Variants in MTMR1 observed in about 807,000 individuals in gnomAD.
The protein encoded by MTMR1 is myotubularin related protein 1.
Under a neutral mutation model 51.6 loss-of-function variants are expected in MTMR1, and 17 were observed. That is an observed-to-expected ratio of 0.33 (90% CI 0.23 to 0.49). The LOEUF is 0.49. MTMR1 is among the 20% of genes least tolerant of loss of function. The probability of loss-of-function intolerance (pLI) is 0.99; values close to 1 mark genes in which losing one functional copy is unlikely to be tolerated. For missense variants in MTMR1, 386 were observed against 526.9 expected, an observed-to-expected ratio of 0.73 and a Z score of 2.62; for synonymous variants, 201 against 205.6, an observed-to-expected ratio of 0.98 and a Z score of 0.19.
intron 6 of MTMR1, among the ~76,000 whole-genome samples, chrX:150,729,785 G>A (rs900673295): frequency 1.1e-4 from 12 of 111,579 alleles, no homozygotes; most frequent in Non-Finnish European, 9.4e-5. Context: ...TTGGAAGGCC[G>A]AGGCAGTTGG....
intron 10 of MTMR1, among the ~76,000 whole-genome samples, chrX:150,733,699 A>G (rs782186000): frequency 6.9e-4 from 77 of 111,111 alleles, no homozygotes; most frequent in Non-Finnish European, 9.4e-4. Context: ...CTTCTGTAAA[A>G]CAGGAGATAA....
intron 2 of MTMR1, 112 bp downstream of exon 2, chrX:150,699,412 C>A: frequency 2.3e-6 from 1 of 443,138 alleles, no homozygotes; most frequent in Non-Finnish European, 3.7e-6. Flanking sequence ...GCCATTTGCT[C>A]GAGAATAAGG....
intron 1 of MTMR1, among the ~76,000 whole-genome samples, chrX:150,698,880 AAAG>A (rs1337803153): frequency 3.0e-4 from 33 of 111,600 alleles, no homozygotes; most frequent in African/African-American, 1.0e-3. Flanking sequence ...ACAAAAAAAA[AAAG>A]AAGTATTTCT....
chrX:150,700,970 G>A (rs1385404660), intron 2 of MTMR1, among the ~76,000 whole-genome samples: 2 of 112,281 alleles, frequency 1.8e-5, no homozygotes, highest in African/African-American at 3.2e-5. Flanking sequence ...TTGTGTAGCT[G>A]AATTAGCTCA....
At chrX:150,722,651 G>A (rs1278552436) in intron 4 of MTMR1, among the ~76,000 whole-genome samples, 1 of 110,588 alleles carries the variant, frequency 9.0e-6, no homozygotes, top group South Asian at 3.8e-4. Flanking sequence ...CATATAGTTG[G>A]TTCTTTCTTT....
upstream of MTMR1, chrX:150,692,968 T>G (rs2040531701): frequency 1.9e-5 from 2 of 104,183 alleles, no homozygotes; most frequent in Non-Finnish European, 4.0e-5. Context: ...AAGAATGGGG[T>G]GGGGAGGAAT....
rs1015968440 is a variant in MTMR1 at position 150,718,088 on chromosome X, A to G, written c.277-537A>G. Among the ~76,000 whole-genome samples the G allele has an allele frequency of 2.7e-5, 3 of 112,401 alleles. No individual in the cohort carries two copies. In the Admixed American group the frequency reaches 2.8e-4, roughly 10 times the overall value. On this transcript the variant is annotated intron_variant, in intron 3 of 15. Coordinates refer to ENST00000445323, the MANE Select transcript of MTMR1 (RefSeq NM_001306144.3). Reference sequence around the variant, plus strand: ...CACACACAGACACACACACACACACATAGCTGGGCTGCAGTAGCAAAGCCT... The same window carrying G: ...CACACACAGACACACACACACACACGTAGCTGGGCTGCAGTAGCAAAGCCT...
intron 3 of MTMR1, chrX:150,712,863 C>A: frequency 1.5e-6 from 1 of 681,958 alleles, no homozygotes; most frequent in East Asian, 1.2e-4. Context: ...CAAAATCAAT[C>A]CCAGTTACTA....
intron 2 of MTMR1, among the ~76,000 whole-genome samples, chrX:150,711,989 A>T (rs2041330563): frequency 9.1e-6 from 1 of 110,300 alleles, no homozygotes; most frequent in South Asian, 3.9e-4. Flanking sequence ...GGGAAAATGC[A>T]TTCAGTATTC....
chrX:150,759,480 C>G (rs781809609), intron 15 of MTMR1, among the ~76,000 whole-genome samples: 9 of 99,975 alleles, frequency 9.0e-5, no homozygotes, highest in Non-Finnish European at 2.0e-4. Flanking sequence ...TTTGGCTAAA[C>G]AGAGCCTCTC....
At chrX:150,756,930 T>G (rs113907820) in intron 15 of MTMR1, among the ~76,000 whole-genome samples, 1,867 of 112,362 alleles carry the variant, frequency 0.017, 49 homozygotes, top group African/African-American at 0.057. Context: ...GGATTATGGG[T>G]GTGCACCACT....
chrX:150,729,768 C>G (rs2148623530), intron 6 of MTMR1, among the ~76,000 whole-genome samples: 1 of 111,781 alleles, frequency 8.9e-6, no homozygotes, highest in East Asian at 2.8e-4. Context: ...CCTGTAATCC[C>G]AGCACTTTGG....
At chrX:150,746,677 C>G (rs1475338385) in intron 13 of MTMR1, among the ~76,000 whole-genome samples, 2 of 112,483 alleles carry the variant, frequency 1.8e-5, no homozygotes, top group Admixed American at 9.4e-5. Flanking sequence ...ATTCTTTATA[C>G]TGCTTAGTGC....
intron 15 of MTMR1, among the ~76,000 whole-genome samples, chrX:150,756,645 T>C (rs2042911833): frequency 8.9e-6 from 1 of 112,043 alleles, no homozygotes; most frequent in African/African-American, 3.2e-5. Flanking sequence ...CTGAGACTTT[T>C]TTCTTTTTTA....
chrX:150,749,974 G>T (rs782036467), intron 13 of MTMR1, among the ~76,000 whole-genome samples: 15 of 110,772 alleles, frequency 1.4e-4, no homozygotes, highest in Non-Finnish European at 2.8e-4. Context: ...AAAATTAGTC[G>T]GGCGTGGTGG....
intron 15 of MTMR1, among the ~76,000 whole-genome samples, chrX:150,758,292 G>C (rs1421032254): frequency 9.0e-6 from 1 of 110,732 alleles, no homozygotes; most frequent in Non-Finnish European, 1.9e-5. Context: ...TGGGATATTG[G>C]GACAGCTTTC....
Position 150,762,454 on chromosome X carries a change from G to T in MTMR1, c.1858-111G>T, listed in dbSNP as rs56309591. 33,569 of 992,230 alleles carry T rather than the reference G, an allele frequency of 0.034. 545 individuals are homozygous for T. The highest frequency in any genetic ancestry group is 0.08 in the Admixed American group (3,239 of 40,588). The allele number at this position is 992,230 out of a possible 1,213,427, so 81.8% of individuals were successfully genotyped here. A position where few individuals can be genotyped will look rare whatever the true frequency, so the allele number is the denominator to read the frequency against. On this transcript the variant is annotated intron_variant, in intron 15 of 15. Coordinates refer to ENST00000445323, the MANE Select transcript of MTMR1 (RefSeq NM_001306144.3). The stretch of plus-strand genomic sequence containing the variant: ...GTCAACGCCTCAGGAGACTTTGGCC[G>T]CTCCAGGAGTCTGGATGGTGAAAAG...
chrX:150,715,543 A>G (rs530787011), intron 3 of MTMR1, among the ~76,000 whole-genome samples: 2 of 112,573 alleles, frequency 1.8e-5, no homozygotes, highest in South Asian at 7.4e-4. Context: ...TGTCCTGTGC[A>G]ACCTTGTAGT....
chrX:150,762,787 C>T lies in MTMR1; in HGVS notation c.*58C>T, dbSNP rs184071286. 2.0e-4 allele frequency: 222 copies of T among 1,091,043 alleles called. No homozygotes were observed. In the East Asian group the frequency reaches 6.7e-3, roughly 33 times the overall value. 89.9% of individuals were successfully genotyped at this position (1,091,043 alleles called of 1,213,427 possible). A position where few individuals can be genotyped will look rare whatever the true frequency, so the allele number is the denominator to read the frequency against. ...CCGGTGGCTCAGGAAAGGGACCTGG[C>T]GATCACTGTTATGGCTGTAGCTTGT... On this transcript the variant is annotated 3_prime_UTR_variant, in exon 16 of 16. Coordinates refer to ENST00000445323, the MANE Select transcript of MTMR1 (RefSeq NM_001306144.3).
Sources: allele counts gnomAD v4.1 joint callset (sites outside exome capture counted in the v4.1 genomes callset), GRCh38; gene constraint gnomAD v4.1.1; transcripts MANE v1.5; gene names NCBI Gene and HGNC (gene_info 2026-07-23, HGNC 2026-07-21).